The following KCNIP4 variants were observed in gnomAD, a reference collection of about 807,000 sequenced individuals.
KCNIP4 encodes the protein potassium voltage-gated channel interacting protein 4, also known as Kv channel-interacting protein 4.
A neutral mutation model predicts 34.0 loss-of-function variants in KCNIP4; 12 were observed. That is an observed-to-expected ratio of 0.35 (90% confidence interval 0.23 to 0.57). KCNIP4 has a LOEUF of 0.57. Ranked by LOEUF, KCNIP4 falls within the 20% of genes least tolerant of loss-of-function variation. KCNIP4 has a pLI of 0.83. For missense variants in KCNIP4, 238 were observed against 311.7 expected, an observed-to-expected ratio of 0.76 and a Z score of 1.78; for synonymous variants, 124 against 102.2, an observed-to-expected ratio of 1.21 and a Z score of -1.29.
At chr4:21,176,027 C>T (rs1754382770) in intron 1 of KCNIP4, among the ~76,000 whole-genome samples, 1 of 152,004 alleles carries the variant, frequency 6.6e-6, no homozygotes, top group Non-Finnish European at 1.5e-5. Context: ...TGAAATAGTC[C>T]AGAATAAAAC....
chr4:21,786,960 A>G (rs1381301736), intron 1 of KCNIP4, among the ~76,000 whole-genome samples: 1 of 152,302 alleles, frequency 6.6e-6, no homozygotes, highest in Admixed American at 6.5e-5. Flanking sequence ...CATTTCTGCC[A>G]GGTGAAGGTA....
intron 1 of KCNIP4, among the ~76,000 whole-genome samples, chr4:21,926,103 A>T (rs1015950): frequency 0.24 from 36,691 of 152,172 alleles, 5,346 homozygotes; most frequent in South Asian, 0.36. Context: ...AATTGACTAA[A>T]GATAGCCATA....
intron 3 of KCNIP4, among the ~76,000 whole-genome samples, chr4:20,768,702 A>C (rs1022378919): frequency 6.6e-6 from 1 of 152,220 alleles, no homozygotes; most frequent in Non-Finnish European, 1.5e-5. Flanking sequence ...AAAGAAACCC[A>C]ACCAATTTTA....
intron 5 of KCNIP4, among the ~76,000 whole-genome samples, chr4:20,745,227 A>G (rs539226469): frequency 2.6e-5 from 4 of 151,316 alleles, no homozygotes; most frequent in East Asian, 3.9e-4. Flanking sequence ...TTTTTTTGTC[A>G]CTTGGTGTAT....
chr4:21,784,960 C>T (rs1236499986), intron 1 of KCNIP4, among the ~76,000 whole-genome samples: 1 of 152,184 alleles, frequency 6.6e-6, no homozygotes, highest in African/African-American at 2.4e-5. Flanking sequence ...AGCTGATGTA[C>T]AGCAGAAATT....
chr4:20,860,258 G>A (rs575139954), intron 2 of KCNIP4, among the ~76,000 whole-genome samples: 1 of 152,164 alleles, frequency 6.6e-6, no homozygotes, highest in South Asian at 2.1e-4. Flanking sequence ...TCCTGGCTCA[G>A]CCTTCCAAGT....
At position 21,535,945 on chromosome 4, in the gene KCNIP4, T is replaced by C. The variant is rs186674327; in HGVS notation, c.61+412626A>G. ...AGCAGAAATCTGAGTCTCCAAATCA[T>C]CTCCCTTGGTATATCTCACCTTCTA... is the stretch of plus-strand genomic sequence containing the variant. On this transcript the variant is annotated intron_variant, in intron 1 of 8. Coordinates refer to ENST00000382152, the MANE Select transcript of KCNIP4 (RefSeq NM_025221.6). 2.0e-5 allele frequency among the ~76,000 whole-genome samples: 3 copies of C among 152,212 alleles called. No homozygotes were observed. In the East Asian group the frequency reaches 5.8e-4, roughly 29 times the overall value.
chr4:20,986,963 C>T (rs1462119662), intron 1 of KCNIP4, among the ~76,000 whole-genome samples: 1 of 152,124 alleles, frequency 6.6e-6, no homozygotes, highest in Non-Finnish European at 1.5e-5. Context: ...GCTACCGGAT[C>T]GAATCTGCTG....
chr4:21,813,363 A>G (rs757959359), intron 1 of KCNIP4, among the ~76,000 whole-genome samples: 7 of 152,292 alleles, frequency 4.6e-5, no homozygotes, highest in Middle Eastern at 3.4e-3. Flanking sequence ...ATTACCATAG[A>G]TTTTCCTGCT....
intron 1 of KCNIP4, among the ~76,000 whole-genome samples, chr4:20,905,117 C>T (rs1385638653): frequency 1.3e-5 from 2 of 152,108 alleles, no homozygotes; most frequent in African/African-American, 4.8e-5. Context: ...AATAAAATAC[C>T]ACAGACCAGG....
chr4:21,647,646 G>A (rs2108963473), intron 1 of KCNIP4, among the ~76,000 whole-genome samples: 1 of 152,052 alleles, frequency 6.6e-6, no homozygotes, highest in East Asian at 1.9e-4. Context: ...TTTGAGATCT[G>A]GGTTCTTGTC....
intron 1 of KCNIP4, among the ~76,000 whole-genome samples, chr4:21,079,513 C>T (rs761873709): frequency 6.7e-6 from 1 of 149,992 alleles, no homozygotes; most frequent in African/African-American, 2.5e-5. Flanking sequence ...TTTGCCAAAC[C>T]AGATTGCCTT....
intron 1 of KCNIP4, among the ~76,000 whole-genome samples, chr4:21,761,714 T>C (rs1212415598): frequency 1.3e-5 from 2 of 152,118 alleles, no homozygotes; most frequent in Non-Finnish European, 2.9e-5. Flanking sequence ...TAATTATTTC[T>C]TCCATATTTA....
At position 21,358,414 on chromosome 4, in the gene KCNIP4, A is replaced by G. The variant is rs538172267; in HGVS notation, c.62-475705T>C. On this transcript the variant is annotated intron_variant, in intron 1 of 8. Coordinates refer to ENST00000382152, the MANE Select transcript of KCNIP4 (RefSeq NM_025221.6). ...TGCTTAGTTGTGCATAATCAAATAG[A>G]TCCTCCGAACCTTATTTGATTCATG... Among the ~76,000 whole-genome samples, 12 of 152,224 alleles carry G rather than the reference A, an allele frequency of 7.9e-5. 1 individual carries two copies. Among genetic ancestry groups the G allele is most frequent in the African/African-American group, 2.9e-4 (12 of 41,554 alleles).
At chr4:21,064,149 G>A (rs1744152440) in intron 1 of KCNIP4, among the ~76,000 whole-genome samples, 1 of 151,904 alleles carries the variant, frequency 6.6e-6, no homozygotes, top group African/African-American at 2.4e-5. Flanking sequence ...GCCTTTCACT[G>A]GGAAATTTAC....
chr4:21,182,522 T>C (rs1265021828), intron 1 of KCNIP4, among the ~76,000 whole-genome samples: 2 of 151,660 alleles, frequency 1.3e-5, no homozygotes, highest in Admixed American at 1.3e-4. Context: ...CATGGATATA[T>C]TGTGTAGTCA....
intron 1 of KCNIP4, among the ~76,000 whole-genome samples, chr4:21,660,381 A>C (rs1748345900): frequency 6.6e-6 from 1 of 151,920 alleles, no homozygotes; most frequent in Non-Finnish European, 1.5e-5. Context: ...TCTATTTTAA[A>C]CTCCTTGTCT....
intron 1 of KCNIP4, among the ~76,000 whole-genome samples, chr4:21,147,939 CAAAAA>C (rs377562727): frequency 1.9e-4 from 6 of 31,012 alleles, no homozygotes; most frequent in Non-Finnish European, 3.7e-4. Flanking sequence ...AACTCCGTCT[CAAAAA>C]AAAAAAAAAA....
intron 1 of KCNIP4, among the ~76,000 whole-genome samples, chr4:21,075,375 C>A (rs186980146): frequency 0.029 from 4,469 of 152,162 alleles, 183 homozygotes; most frequent in African/African-American, 0.1. Context: ...TTGAATTGAT[C>A]CCTTTACCAT....
Sources: gnomAD v4.1 joint callset for allele counts (sites outside exome capture counted in the v4.1 genomes callset) on GRCh38, gnomAD v4.1.1 for gene constraint, MANE v1.5 for transcripts, NCBI Gene and HGNC (gene_info 2026-07-23, HGNC 2026-07-21) for gene names.